DPYD: variants seen among roughly 807,000 people sequenced by gnomAD.
DPYD encodes dihydropyrimidine dehydrogenase.
A neutral mutation model predicts 116.2 loss-of-function variants in DPYD; 109 were observed. The ratio of observed to expected loss-of-function variants is 0.94; its 90% CI spans 0.80 to 1.10. The LOEUF (loss-of-function observed/expected upper bound fraction) is 1.10, where lower values mean the gene tolerates loss of function less well. DPYD is among the 50% of genes least tolerant of loss of function. The pLI is 0.00. For synonymous variants in DPYD, 440 were observed against 432.0 expected (o/e 1.02, Z -0.23); for missense variants, 1,302 against 1,254.5 (o/e 1.04, Z -0.57).
At position 97,301,476 on chromosome 1, in the gene DPYD, A is replaced by G. The variant is rs1164370999; in HGVS notation, c.2299+3783T>C. 3.3e-5 allele frequency among the ~76,000 whole-genome samples: 5 copies of G among 151,946 alleles called. No individual in the cohort carries two copies. The East Asian group carries it at 9.7e-4, about 29-fold the overall frequency. On this transcript the variant is annotated intron_variant, in intron 18 of 22. Transcript: ENST00000370192. Reference sequence around the variant, plus strand: ...TTATATTGAGCCTAAAGTGTCTATCATTATTTCAATTTAAGTGCCTTCTGC... The same window carrying G: ...TTATATTGAGCCTAAAGTGTCTATCGTTATTTCAATTTAAGTGCCTTCTGC...
chr1:97,518,874 G>A (rs993545673), intron 12 of DPYD, among the ~76,000 whole-genome samples: 1 of 151,964 alleles, frequency 6.6e-6, no homozygotes, highest in Non-Finnish European at 1.5e-5. Context: ...AAGTAAAACT[G>A]TGAGTTAATA....
At chr1:97,229,862 C>A (rs1181203917) in intron 19 of DPYD, among the ~76,000 whole-genome samples, 1 of 151,998 alleles carries the variant, frequency 6.6e-6, no homozygotes, top group Non-Finnish European at 1.5e-5. Context: ...GCCAGAAAGT[C>A]TCTGGGCTAT....
At chr1:97,137,210 A>G (rs1653876193) in intron 20 of DPYD, among the ~76,000 whole-genome samples, 1 of 152,242 alleles carries the variant, frequency 6.6e-6, no homozygotes, top group Non-Finnish European at 1.5e-5. Flanking sequence ...ATTACACCAG[A>G]CACGGGCCTC....
At chr1:97,267,953 G>A (rs1664340067) in intron 18 of DPYD, among the ~76,000 whole-genome samples, 1 of 152,042 alleles carries the variant, frequency 6.6e-6, no homozygotes, top group Non-Finnish European at 1.5e-5. Flanking sequence ...TCATCTTGAG[G>A]CAAATTCCCA....
intron 1 of DPYD, among the ~76,000 whole-genome samples, chr1:97,909,913 C>G (rs967597654): frequency 6.6e-6 from 1 of 152,072 alleles, no homozygotes; most frequent in African/African-American, 2.4e-5. Flanking sequence ...AAACTGAATG[C>G]CATTACATAT....
At chr1:97,525,714 C>T (rs896767617) in intron 12 of DPYD, among the ~76,000 whole-genome samples, 1 of 146,452 alleles carries the variant, frequency 6.8e-6, no homozygotes, top group Non-Finnish European at 1.5e-5. Flanking sequence ...CCAGTCTCTC[C>T]AAGAGCCATC....
At chr1:97,607,435 T>C (rs1655668537) in intron 8 of DPYD, among the ~76,000 whole-genome samples, 1 of 151,858 alleles carries the variant, frequency 6.6e-6, no homozygotes, top group Admixed American at 6.6e-5. Flanking sequence ...TTTTTGGACA[T>C]ATTTAATGGA....
intron 3 of DPYD, among the ~76,000 whole-genome samples, chr1:97,772,338 C>T (rs546546871): frequency 2.0e-5 from 3 of 152,242 alleles, no homozygotes; most frequent in African/African-American, 7.2e-5. Context: ...AATTGTACTT[C>T]TTTCTTTCTT....
intron 13 of DPYD, among the ~76,000 whole-genome samples, chr1:97,471,432 T>G (rs574100186): frequency 1.3e-5 from 2 of 152,194 alleles, no homozygotes; most frequent in Admixed American, 6.5e-5. Context: ...AACATGTAAC[T>G]TGGGGTCTAA....
In DPYD at chr1:97,198,643, T is replaced by C. The variant is rs146137648; in HGVS notation, c.2443-5395A>G. ...GCTATGCCTAAATGGGTGCATTTTA[T>C]ATGACATCTCTTAATTGTTTGTTTA... On this transcript the variant is annotated intron_variant, in intron 19 of 22. Transcript: ENST00000370192. Among the ~76,000 whole-genome samples the C allele has an allele frequency of 3.6e-3, 545 of 152,312 alleles. 3 individuals carry two copies. The highest frequency in any genetic ancestry group is 6.8e-3 in the Middle Eastern group (2 of 294).
chr1:97,912,939 G>C (rs567470577), intron 1 of DPYD, among the ~76,000 whole-genome samples: 1 of 152,082 alleles, frequency 6.6e-6, no homozygotes, highest in African/African-American at 2.4e-5. Context: ...TGAATTCTGG[G>C]GACCCCATTG....
chr1:97,153,438 C>T (rs1570561976), intron 20 of DPYD, among the ~76,000 whole-genome samples: 1 of 151,986 alleles, frequency 6.6e-6, no homozygotes, highest in Non-Finnish European at 1.5e-5. Context: ...GGATAATTGG[C>T]AAGCCACATG....
intron 14 of DPYD, among the ~76,000 whole-genome samples, chr1:97,448,826 A>G (rs1266817582): frequency 4.6e-5 from 7 of 152,124 alleles, no homozygotes; most frequent in Admixed American, 6.5e-5. Context: ...TTCCCTTCAC[A>G]TCCAAACGAC....
At chr1:97,286,251 A>G (rs552850094) in intron 18 of DPYD, among the ~76,000 whole-genome samples, 16 of 151,972 alleles carry the variant, frequency 1.1e-4, no homozygotes, top group African/African-American at 3.9e-4. Flanking sequence ...ATTGGCCCCC[A>G]CTCTCTTCTG....
chr1:97,874,301 G>A (rs1671797380), intron 2 of DPYD, among the ~76,000 whole-genome samples: 1 of 151,770 alleles, frequency 6.6e-6, no homozygotes, highest in Non-Finnish European at 1.5e-5. Context: ...ATCTAAATTA[G>A]GTATTTGTAT....
intron 16 of DPYD, among the ~76,000 whole-genome samples, chr1:97,312,073 T>A (rs1570487361): frequency 1.3e-5 from 2 of 151,722 alleles, no homozygotes; most frequent in Admixed American, 1.3e-4. Flanking sequence ...AAAATATATA[T>A]GTGTGTGTGT....
At chr1:97,852,139 G>A (rs890704979) in intron 2 of DPYD, among the ~76,000 whole-genome samples, 5 of 151,872 alleles carry the variant, frequency 3.3e-5, no homozygotes, top group African/African-American at 1.2e-4. Flanking sequence ...CCAGCACTAG[G>A]AAATTTCAAG....
intron 3 of DPYD, among the ~76,000 whole-genome samples, chr1:97,755,554 C>T (rs1050515505): frequency 7.9e-5 from 12 of 152,142 alleles, no homozygotes; most frequent in Non-Finnish European, 2.9e-5. Flanking sequence ...GCTCTCTGCC[C>T]AACCACATTT....
intron 8 of DPYD, among the ~76,000 whole-genome samples, chr1:97,678,617 G>C (rs544791488): frequency 6.6e-6 from 1 of 152,268 alleles, no homozygotes; most frequent in Admixed American, 6.5e-5. Context: ...GTAATACACT[G>C]TCTATGGGAC....
Sources: allele counts gnomAD v4.1 joint callset (sites outside exome capture counted in the v4.1 genomes callset), GRCh38; gene constraint gnomAD v4.1.1; transcripts MANE v1.5; gene names NCBI Gene and HGNC (gene_info 2026-07-23, HGNC 2026-07-21).